The following CELF2 variants were observed in gnomAD, a reference collection of about 807,000 sequenced individuals.
CELF2 encodes the protein CUGBP Elav-like family member 2.
Under a neutral mutation model 62.6 loss-of-function variants are expected in CELF2, and 8 were observed. The observed-to-expected ratio is 0.13, with a 90% CI of 0.07 to 0.23. The LOEUF (loss-of-function observed/expected upper bound fraction) is 0.23, where lower values mean the gene tolerates loss of function less well. CELF2 is among the 10% of genes least tolerant of loss of function. CELF2 has a pLI of 1.00. For missense variants in CELF2, 333 were observed against 671.0 expected (o/e 0.50, Z 5.56); for synonymous variants, 258 against 250.0 (o/e 1.03, Z -0.30).
chr10:11,303,697 T>C (rs932115301), intron 9 of CELF2, among the ~76,000 whole-genome samples: 1 of 152,136 alleles, frequency 6.6e-6, no homozygotes, highest in Non-Finnish European at 1.5e-5. Flanking sequence ...GCCAAAAAAT[T>C]AAAGGCAAAT....
chr10:10,921,793 G>A (rs1306807555), intron 2 of CELF2, among the ~76,000 whole-genome samples: 1 of 151,308 alleles, frequency 6.6e-6, no homozygotes, highest in Non-Finnish European at 1.5e-5. Flanking sequence ...GGGGCCTCAG[G>A]GAGTCTTAGA....
At chr10:11,129,381 T>C (rs2059258799) in intron 1 of CELF2, among the ~76,000 whole-genome samples, 1 of 152,236 alleles carries the variant, frequency 6.6e-6, no homozygotes, top group African/African-American at 2.4e-5. Context: ...ATCAGGATGA[T>C]GCTGGCCTCA....
the CELF2 span, among the ~76,000 whole-genome samples, chr10:10,509,627 C>G: frequency 1.3e-5 from 2 of 152,188 alleles, no homozygotes; most frequent in East Asian, 3.8e-4. Flanking sequence ...AGACATCATT[C>G]TACAGAATAA....
chr10:10,906,951 T>G (rs2063399044), intron 1 of CELF2, among the ~76,000 whole-genome samples: 1 of 152,034 alleles, frequency 6.6e-6, no homozygotes, highest in South Asian at 2.1e-4. Context: ...TCTCTTGACC[T>G]CGTGATCCAC....
chr10:11,061,433 G>A (rs1190458948), intron 1 of CELF2, among the ~76,000 whole-genome samples: 1 of 152,238 alleles, frequency 6.6e-6, no homozygotes, highest in African/African-American at 2.4e-5. Context: ...TAGCATAGAA[G>A]TACAAGGTGA....
the CELF2 span, among the ~76,000 whole-genome samples, chr10:10,575,740 T>C: frequency 1.3e-5 from 2 of 152,156 alleles, no homozygotes; most frequent in African/African-American, 4.8e-5. Context: ...TGATAAAAGC[T>C]AGAAGTGTTA....
the CELF2 span, among the ~76,000 whole-genome samples, chr10:10,506,306 G>T: frequency 6.8e-6 from 1 of 146,096 alleles, no homozygotes; most frequent in Non-Finnish European, 1.5e-5. Context: ...GTGTGTATCT[G>T]TGTCTGTGTC....
At position 11,197,076 on chromosome 10, in the gene CELF2, A is replaced by AAAG. The variant is rs1404165716; in HGVS notation, c.272-20346_272-20344dup. ...AAGAAAGAAAAGAAAGAAAGGAAAG[A>AAAG]AAGAAAGAAGAAAGAAAGAAGGGTT... is the stretch of plus-strand genomic sequence containing the variant. On this transcript the variant is annotated intron_variant, in intron 2 of 12. Coordinates refer to ENST00000633077, the MANE Select transcript of CELF2 (RefSeq NM_001326342.2). Among the ~76,000 whole-genome samples, 3 of 133,614 alleles carry AAAG rather than the reference A, an allele frequency of 2.2e-5. 1 individual carries two copies. Among genetic ancestry groups the AAAG allele is most frequent in the African/African-American group, 9.9e-5 (3 of 30,354 alleles). 87.7% of individuals were successfully genotyped at this position (133,614 alleles called of 152,430 possible). A position where few individuals can be genotyped will look rare whatever the true frequency, so the allele number is the denominator to read the frequency against.
chr10:10,535,111 A>G, the CELF2 span, among the ~76,000 whole-genome samples: 1 of 152,298 alleles, frequency 6.6e-6, no homozygotes, highest in Admixed American at 6.5e-5. Flanking sequence ...CCCCTTCCCC[A>G]GAGTGTTAGA....
the CELF2 span, among the ~76,000 whole-genome samples, chr10:10,666,139 G>A: frequency 1.3e-5 from 2 of 152,104 alleles, no homozygotes; most frequent in African/African-American, 4.8e-5. Flanking sequence ...AATCTACTCA[G>A]CCTGAGAGTG....
the CELF2 span, among the ~76,000 whole-genome samples, chr10:10,642,612 T>G: frequency 1.3e-5 from 2 of 152,220 alleles, no homozygotes; most frequent in Non-Finnish European, 2.9e-5. Flanking sequence ...CCTCCTTGCT[T>G]ATCTCTGCAA....
intron 1 of CELF2, among the ~76,000 whole-genome samples, chr10:10,912,394 CT>C (rs532701860): frequency 6.7e-5 from 10 of 150,094 alleles, no homozygotes; most frequent in Admixed American, 2.7e-4. Context: ...ATGGGACTTA[CT>C]TTTTTTTTTG....
intron 1 of CELF2, among the ~76,000 whole-genome samples, chr10:11,055,762 C>T (rs1243288878): frequency 1.3e-5 from 2 of 152,222 alleles, no homozygotes; most frequent in African/African-American, 4.8e-5. Flanking sequence ...CTGTGGCCGC[C>T]ATCTTGAAAG....
chr10:10,556,104 C>T, the CELF2 span, among the ~76,000 whole-genome samples: 1 of 151,990 alleles, frequency 6.6e-6, no homozygotes, highest in East Asian at 1.9e-4. Context: ...CATATGTATA[C>T]ATGTGACATG....
intron 1 of CELF2, among the ~76,000 whole-genome samples, chr10:11,056,601 G>A (rs897968152): frequency 6.6e-6 from 1 of 152,158 alleles, no homozygotes; most frequent in Admixed American, 6.5e-5. Flanking sequence ...GTATAAGAAG[G>A]GAGTCAAGGA....
the CELF2 span, among the ~76,000 whole-genome samples, chr10:10,779,189 C>T: frequency 6.6e-6 from 1 of 152,124 alleles, no homozygotes; most frequent in South Asian, 2.1e-4. Flanking sequence ...TTCATTTGAC[C>T]CTCTTATGTA....
At chr10:11,123,030 A>G (rs1332052506) in intron 1 of CELF2, among the ~76,000 whole-genome samples, 1 of 152,190 alleles carries the variant, frequency 6.6e-6, no homozygotes, top group Non-Finnish European at 1.5e-5. Context: ...AGTAGCAAAA[A>G]GAAGAAAAAT....
chr10:10,763,163 G>A, the CELF2 span, among the ~76,000 whole-genome samples: 1 of 152,148 alleles, frequency 6.6e-6, no homozygotes, highest in Admixed American at 6.5e-5. Flanking sequence ...GGGAATAAAC[G>A]AGATAATGTG....
At chr10:10,833,930 A>G (rs1590953270) in intron 1 of CELF2, among the ~76,000 whole-genome samples, 1 of 152,302 alleles carries the variant, frequency 6.6e-6, no homozygotes, top group Middle Eastern at 3.4e-3. Context: ...TAAAAACTGA[A>G]CTACCATTCA....
Sources: gnomAD v4.1 joint callset for allele counts (sites outside exome capture counted in the v4.1 genomes callset) on GRCh38, gnomAD v4.1.1 for gene constraint, MANE v1.5 for transcripts, NCBI Gene and HGNC (gene_info 2026-07-23, HGNC 2026-07-21) for gene names.